Variants in RUNX1T1 observed in about 807,000 individuals in gnomAD.
The protein encoded by RUNX1T1 is protein CBFA2T1.
In RUNX1T1, 4 loss-of-function variants were observed where a neutral mutation model predicts 62.8. The observed-to-expected ratio is 0.06, with a 90% CI of 0.03 to 0.15. RUNX1T1 has a LOEUF of 0.15. RUNX1T1 is among the 10% of genes least tolerant of loss of function. The probability of loss-of-function intolerance (pLI) is 1.00; values close to 1 mark genes in which losing one functional copy is unlikely to be tolerated. For synonymous variants in RUNX1T1, 291 were observed against 286.0 expected, an observed-to-expected ratio of 1.02 and a Z score of -0.18; for missense variants, 508 against 754.3, an observed-to-expected ratio of 0.67 and a Z score of 3.82.
chr8:91,986,108 T>A lies in RUNX1T1; in HGVS notation c.1198+16A>T. ...GAAATATGTGTTTTCGAGATACTCATCTGAAGAAAAGTTACCTAGTGCAAC... is the reference window on the plus strand; with the variant it reads ...GAAATATGTGTTTTCGAGATACTCAACTGAAGAAAAGTTACCTAGTGCAAC... On this transcript the variant is annotated intron_variant, in intron 8 of 10. Transcript: ENST00000396218. 6.4e-7 allele frequency: 1 copy of A among 1,571,170 alleles called. No homozygotes were observed.
At chr8:92,057,212 T>C (rs958826958) in intron 1 of RUNX1T1, among the ~76,000 whole-genome samples, 1 of 152,190 alleles carries the variant, frequency 6.6e-6, no homozygotes, top group African/African-American at 2.4e-5. Flanking sequence ...CCTTCTATGC[T>C]ACTATAATTC....
intron 1 of RUNX1T1, among the ~76,000 whole-genome samples, chr8:92,060,541 A>ATGTGTG (rs1476698430): frequency 3.3e-4 from 36 of 109,376 alleles, no homozygotes; most frequent in African/African-American, 1.2e-3. Flanking sequence ...ATATATATAT[A>ATGTGTG]TATATATATA....
chr8:92,055,516 A>C (rs968947762), intron 1 of RUNX1T1, among the ~76,000 whole-genome samples: 2 of 152,130 alleles, frequency 1.3e-5, no homozygotes, highest in African/African-American at 4.8e-5. Context: ...ATCATAGCTC[A>C]CTGCAAACTT....
At chr8:92,091,999 C>G (rs1837096383) in intron 1 of RUNX1T1, among the ~76,000 whole-genome samples, 1 of 152,150 alleles carries the variant, frequency 6.6e-6, no homozygotes, top group East Asian at 1.9e-4. Flanking sequence ...TAGCAATTCA[C>G]ATGTGAAGCC....
intron 4 of RUNX1T1, chr8:92,010,762 C>T (rs1821768114): frequency 5.4e-6 from 2 of 367,832 alleles, no homozygotes; most frequent in African/African-American, 2.1e-5. Flanking sequence ...TGAACAAAAC[C>T]TTTATTCAAA....
chr8:92,024,416 GGAAA>G (rs1246230668), intron 1 of RUNX1T1, among the ~76,000 whole-genome samples: 3 of 141,196 alleles, frequency 2.1e-5, no homozygotes, highest in African/African-American at 8.1e-5. Context: ...GGTTGAGGCA[GGAAA>G]ATTTTTTGAG....
At chr8:92,090,025 A>G (rs963296175) in intron 1 of RUNX1T1, among the ~76,000 whole-genome samples, 3 of 148,610 alleles carry the variant, frequency 2.0e-5, no homozygotes, top group African/African-American at 7.4e-5. Context: ...ACTTGTCCGT[A>G]TGAGAGTTGG....
chr8:91,963,195 G>C (rs1208354566), intron 10 of RUNX1T1, among the ~76,000 whole-genome samples: 1 of 152,174 alleles, frequency 6.6e-6, no homozygotes, highest in African/African-American at 2.4e-5. Context: ...GTCTGGTTCT[G>C]ATCCAGGAGT....
chr8:92,026,074 A>G (rs1338902459), intron 1 of RUNX1T1, among the ~76,000 whole-genome samples: 1 of 152,228 alleles, frequency 6.6e-6, no homozygotes, highest in African/African-American at 2.4e-5. Flanking sequence ...AACCAAAGAC[A>G]TACTTTTTTC....
chr8:92,065,014 A>C (rs2130651468), upstream of RUNX1T1, among the ~76,000 whole-genome samples: 1 of 152,258 alleles, frequency 6.6e-6, no homozygotes, highest in East Asian at 1.9e-4. Context: ...TGTGCATCTG[A>C]GACTAGTTCA....
chr8:91,990,697 G>A (rs139387270), intron 6 of RUNX1T1, among the ~76,000 whole-genome samples: 1 of 150,844 alleles, frequency 6.6e-6, no homozygotes, highest in Non-Finnish European at 1.5e-5. Flanking sequence ...AGGCTGAGGT[G>A]CAGTGTGTGG....
At chr8:91,999,766 T>C (rs892310294) in intron 5 of RUNX1T1, among the ~76,000 whole-genome samples, 2 of 152,166 alleles carry the variant, frequency 1.3e-5, no homozygotes, top group Non-Finnish European at 2.9e-5. Context: ...TTATTTATAA[T>C]TGGGAAGCTT....
chr8:92,070,034 T>C (rs758768412), intron 2 of RUNX1T1, among the ~76,000 whole-genome samples: 1 of 152,244 alleles, frequency 6.6e-6, no homozygotes, highest in South Asian at 2.1e-4. Flanking sequence ...ATTGTTTTTC[T>C]TGCATTTCAG....
At chr8:91,966,874 A>C (rs1563617757) in intron 10 of RUNX1T1, among the ~76,000 whole-genome samples, 1 of 152,180 alleles carries the variant, frequency 6.6e-6, no homozygotes, top group Middle Eastern at 3.2e-3. Flanking sequence ...ACTAGGTAGA[A>C]ATAATCATGA....
At chr8:92,065,586 C>T (rs1587430290), upstream of RUNX1T1, among the ~76,000 whole-genome samples, 2 of 152,296 alleles carry the variant, frequency 1.3e-5, no homozygotes, top group Middle Eastern at 6.8e-3. Context: ...TGTTTTCTGA[C>T]AACTTTAGAT....
At position 92,047,312 on chromosome 8, in the gene RUNX1T1, G is replaced by C. The variant is rs1434087744; in HGVS notation, c.7+15234C>G. On this transcript the variant is annotated intron_variant, in intron 1 of 10. Coordinates refer to ENST00000396218, the Ensembl canonical transcript of RUNX1T1. ...CTTCCCTCATCTCCCTCAAATCTCTGCTCAAAAGTCCCTTCTCAAAGAGGT... is the reference window on the plus strand; with the variant it reads ...CTTCCCTCATCTCCCTCAAATCTCTCCTCAAAAGTCCCTTCTCAAAGAGGT... Among the ~76,000 whole-genome samples the C allele has an allele frequency of 2.6e-5, 4 of 151,952 alleles. No homozygotes were observed. The East Asian group carries it at 7.7e-4, about 29-fold the overall frequency.
chr8:91,963,018 T>C (rs949438656), intron 10 of RUNX1T1, among the ~76,000 whole-genome samples: 1 of 152,340 alleles, frequency 6.6e-6, no homozygotes, highest in Admixed American at 6.5e-5. Flanking sequence ...TACAGATGCA[T>C]GTGCTGGGAA....
chr8:92,008,432 G>T (rs1246090504), intron 4 of RUNX1T1, among the ~76,000 whole-genome samples: 1 of 104,048 alleles, frequency 9.6e-6, no homozygotes, highest in Non-Finnish European at 2.1e-5. Flanking sequence ...ACACACACGA[G>T]ACTATGTGCC....
intron 1 of RUNX1T1, among the ~76,000 whole-genome samples, chr8:92,058,045 G>A (rs568991878): frequency 1.3e-5 from 2 of 152,238 alleles, no homozygotes; most frequent in South Asian, 4.1e-4. Flanking sequence ...GTAGCCCATT[G>A]TGCATCCTTC....
Sources: allele counts gnomAD v4.1 joint callset (sites outside exome capture counted in the v4.1 genomes callset), GRCh38; gene constraint gnomAD v4.1.1; transcripts MANE v1.5; gene names NCBI Gene and HGNC (gene_info 2026-07-23, HGNC 2026-07-21).